BRINP1: variants seen among roughly 807,000 people sequenced by gnomAD.
The protein encoded by BRINP1 is BMP/retinoic acid-inducible neural-specific protein 1.
In BRINP1, 17 loss-of-function variants were observed where a neutral mutation model predicts 72.9. That is an observed-to-expected ratio of 0.23 (90% confidence interval 0.16 to 0.35). The LOEUF (loss-of-function observed/expected upper bound fraction) is 0.35, where lower values mean the gene tolerates loss of function less well. Ranked by LOEUF, BRINP1 falls within the 10% of genes least tolerant of loss-of-function variation. The pLI is 1.00. For missense variants in BRINP1, 850 were observed against 1,001.6 expected (o/e 0.85, Z 2.04); for synonymous variants, 418 against 378.5 (o/e 1.10, Z -1.21).
intron 5 of BRINP1, among the ~76,000 whole-genome samples, chr9:119,228,825 T>G (rs1158058667): frequency 6.6e-6 from 1 of 152,070 alleles, no homozygotes; most frequent in African/African-American, 2.4e-5. Flanking sequence ...GAAAGGGAAT[T>G]TGGGACCCCA....
At chr9:119,182,913 C>A (rs1226533343) in intron 7 of BRINP1, among the ~76,000 whole-genome samples, 1 of 152,164 alleles carries the variant, frequency 6.6e-6, no homozygotes, top group Non-Finnish European at 1.5e-5. Context: ...CAATGAATCT[C>A]CACTTCATTC....
intron 5 of BRINP1, among the ~76,000 whole-genome samples, chr9:119,227,504 T>A (rs563309612): frequency 9.1e-4 from 139 of 152,138 alleles, no homozygotes; most frequent in Non-Finnish European, 1.3e-3. Flanking sequence ...AGTAATCTCA[T>A]TTTTCATGAA....
rs147977550 is a variant in BRINP1 at position 119,355,447 on chromosome 9, G to A, written c.-51+13609C>T. On this transcript the variant is annotated intron_variant, in intron 1 of 7. Transcript: ENST00000265922. ...AGCTCTGTTTAAAAATGATACACCC[G>A]GCCGGGCACGGTGGCTCACGCCTGT... 2.9e-4 allele frequency among the ~76,000 whole-genome samples: 44 copies of A among 152,180 alleles called. No homozygotes were observed. The East Asian group carries it at 7.0e-3, about 24-fold the overall frequency.
intron 1 of BRINP1, among the ~76,000 whole-genome samples, chr9:119,352,057 G>A (rs902851816): frequency 4.0e-5 from 6 of 151,856 alleles, no homozygotes; most frequent in African/African-American, 9.7e-5. Flanking sequence ...CTCAGCCTCC[G>A]AAAGTTCTGG....
intron 1 of BRINP1, among the ~76,000 whole-genome samples, chr9:119,366,397 C>T (rs13290440): frequency 2.0e-5 from 3 of 151,986 alleles, no homozygotes; most frequent in Non-Finnish European, 4.4e-5. Context: ...TTCTGCCTAC[C>T]AGTCACACTC....
chr9:119,294,618 C>A (rs1460831721), intron 2 of BRINP1, among the ~76,000 whole-genome samples: 1 of 152,058 alleles, frequency 6.6e-6, no homozygotes, highest in Non-Finnish European at 1.5e-5. Context: ...GTAATCCCAG[C>A]ACTTTGGAAG....
chr9:119,288,349 A>T (rs1248674286), intron 2 of BRINP1, among the ~76,000 whole-genome samples: 1 of 137,838 alleles, frequency 7.3e-6, no homozygotes, highest in Admixed American at 7.4e-5. Context: ...TTTCTTTTTA[A>T]ATTTTTTTTA....
chr9:119,285,430 A>G (rs552210132), intron 2 of BRINP1, among the ~76,000 whole-genome samples: 1 of 152,282 alleles, frequency 6.6e-6, no homozygotes, highest in Non-Finnish European at 1.5e-5. Flanking sequence ...CATCAAAACA[A>G]TTACATACAG....
intron 7 of BRINP1, among the ~76,000 whole-genome samples, chr9:119,193,987 G>A (rs1829707748): frequency 6.6e-6 from 1 of 152,146 alleles, no homozygotes; most frequent in African/African-American, 2.4e-5. Flanking sequence ...AAGCAGTCTG[G>A]CCACTCTGCT....
chr9:119,179,069 A>C (rs371622888), intron 7 of BRINP1, among the ~76,000 whole-genome samples: 244 of 152,094 alleles, frequency 1.6e-3, no homozygotes, highest in African/African-American at 5.6e-3. Context: ...ATCTATAAAT[A>C]CCACTTCCCA....
At chr9:119,326,173 A>G (rs561282462) in intron 1 of BRINP1, among the ~76,000 whole-genome samples, 57 of 152,310 alleles carry the variant, frequency 3.7e-4, no homozygotes, top group African/African-American at 1.3e-3. Flanking sequence ...AAAGTATCTG[A>G]TTATTTTTCC....
chr9:119,234,325 T>C (rs967674151), intron 5 of BRINP1, among the ~76,000 whole-genome samples: 4 of 152,076 alleles, frequency 2.6e-5, no homozygotes, highest in African/African-American at 9.7e-5. Flanking sequence ...TGCTGTGTTA[T>C]ATTAAATTGT....
intron 2 of BRINP1, among the ~76,000 whole-genome samples, chr9:119,274,827 T>C (rs1384815020): frequency 6.6e-6 from 1 of 152,148 alleles, no homozygotes; most frequent in Non-Finnish European, 1.5e-5. Flanking sequence ...AGCACTTAGC[T>C]TGGAGGATCT....
intron 1 of BRINP1, among the ~76,000 whole-genome samples, chr9:119,322,056 A>G (rs1831194850): frequency 6.6e-6 from 1 of 152,162 alleles, no homozygotes; most frequent in Admixed American, 6.5e-5. Context: ...AAAATCAACA[A>G]ATTAACAATA....
chr9:119,312,758 C>T (rs1354594781), intron 2 of BRINP1, among the ~76,000 whole-genome samples: 1 of 152,150 alleles, frequency 6.6e-6, no homozygotes, highest in Non-Finnish European at 1.5e-5. Flanking sequence ...CCCAGTCCAA[C>T]CACTTCTAAC....
chr9:119,286,682 A>G (rs1306768876), intron 2 of BRINP1, among the ~76,000 whole-genome samples: 3 of 152,234 alleles, frequency 2.0e-5, no homozygotes, highest in Non-Finnish European at 1.5e-5. Context: ...AATTGACAAT[A>G]TAAGTCTCTA....
chr9:119,364,018 CTT>C (rs139650782), intron 1 of BRINP1, among the ~76,000 whole-genome samples: 34,939 of 125,244 alleles, frequency 0.28, 4,486 homozygotes, highest in East Asian at 0.76. Flanking sequence ...TCATCCCTCC[CTT>C]TTTTTTTTTT....
At chr9:119,340,504 C>G (rs753418992) in intron 1 of BRINP1, among the ~76,000 whole-genome samples, 12 of 152,138 alleles carry the variant, frequency 7.9e-5, no homozygotes, top group Non-Finnish European at 1.6e-4. Context: ...CCAAGAACCT[C>G]CTCTTCCCCA....
chr9:119,198,765 A>G (rs1829773177), intron 7 of BRINP1, among the ~76,000 whole-genome samples: 1 of 151,286 alleles, frequency 6.6e-6, no homozygotes. Context: ...TCCGCCTCCC[A>G]GGCTCAAGTG....
Sources: allele counts gnomAD v4.1 joint callset (sites outside exome capture counted in the v4.1 genomes callset), GRCh38; gene constraint gnomAD v4.1.1; transcripts MANE v1.5; gene names NCBI Gene and HGNC (gene_info 2026-07-23, HGNC 2026-07-21).